Variants in PRIM2 observed in about 807,000 individuals in gnomAD.
PRIM2 encodes DNA primase large subunit.
A neutral mutation model predicts 67.3 loss-of-function variants in PRIM2; 39 were observed. The observed-to-expected ratio is 0.58, with a 90% CI of 0.45 to 0.76. The LOEUF is 0.76. PRIM2 is among the 30% of genes least tolerant of loss of function. PRIM2 has a pLI of 0.00. For missense variants in PRIM2, 398 were observed against 598.7 expected (o/e 0.66, Z 3.50); for synonymous variants, 143 against 198.7 (o/e 0.72, Z 2.36).
chr6:57,233,863 A>T, the PRIM2 span, among the ~76,000 whole-genome samples: 1 of 152,064 alleles, frequency 6.6e-6, no homozygotes, highest in African/African-American at 2.4e-5. Flanking sequence ...GGATCTCACA[A>T]TGTTGCCCAG....
chr6:57,245,690 C>A, the PRIM2 span, among the ~76,000 whole-genome samples: 1 of 152,174 alleles, frequency 6.6e-6, no homozygotes, highest in Non-Finnish European at 1.5e-5. Flanking sequence ...ACTTCCTCTT[C>A]TCTGGAAAGG....
At chr6:57,461,285 A>G (rs1772995017) in intron 7 of PRIM2, among the ~76,000 whole-genome samples, 1 of 152,172 alleles carries the variant, frequency 6.6e-6, no homozygotes, top group Non-Finnish European at 1.5e-5. Context: ...AGCTGTCAGA[A>G]AAGATTGTGC....
intron 7 of PRIM2, among the ~76,000 whole-genome samples, chr6:57,405,141 C>T (rs543917089): frequency 1.3e-5 from 2 of 151,906 alleles, no homozygotes; most frequent in African/African-American, 4.8e-5. Context: ...CAGCTGAATA[C>T]TGAAATAGTT....
At chr6:57,326,246 C>A (rs1767850653) in intron 5 of PRIM2, 4 of 488,162 alleles carry the variant, frequency 8.2e-6, no homozygotes, top group Admixed American at 4.1e-5. Flanking sequence ...AACAAAGTCT[C>A]ACACTTACTT....
At chr6:57,503,543 G>C (rs1774187213) in intron 7 of PRIM2, among the ~76,000 whole-genome samples, 1 of 152,178 alleles carries the variant, frequency 6.6e-6, no homozygotes. Context: ...GAGGTCAGAA[G>C]TTCGAGACCA....
At chr6:57,610,472 C>T (rs1776648022) in intron 12 of PRIM2, among the ~76,000 whole-genome samples, 1 of 152,008 alleles carries the variant, frequency 6.6e-6, no homozygotes, top group Non-Finnish European at 1.5e-5. Flanking sequence ...CTTACAGGAT[C>T]ACATTTCATT....
chr6:57,595,464 G>A (rs1181830261), intron 10 of PRIM2, among the ~76,000 whole-genome samples: 2,634 of 152,036 alleles, frequency 0.017, 84 homozygotes, highest in African/African-American at 0.06. Flanking sequence ...ACTAGAGCTC[G>A]TGCAGATCTC....
At chr6:57,517,638 A>G (rs1774514771) in intron 8 of PRIM2, among the ~76,000 whole-genome samples, 2 of 152,212 alleles carry the variant, frequency 1.3e-5, no homozygotes, top group African/African-American at 4.8e-5. Flanking sequence ...AAATAATTAC[A>G]TATTTTTAAA....
chr6:57,255,866 A>G, the PRIM2 span, among the ~76,000 whole-genome samples: 2 of 152,224 alleles, frequency 1.3e-5, no homozygotes, highest in Non-Finnish European at 2.9e-5. Context: ...CATTTCACTG[A>G]TAGCACCAAG....
At chr6:57,418,383 G>GTTTTTTTTTTTTTT (rs34491627) in intron 7 of PRIM2, among the ~76,000 whole-genome samples, 6 of 47,236 alleles carry the variant, frequency 1.3e-4, no homozygotes, top group Admixed American at 3.6e-4. Context: ...TATGTGTGTG[G>GTTTTTTTTTTTTTT]TTTTTTTTTT....
At chr6:57,339,086 G>T (rs1320833638) in intron 5 of PRIM2, among the ~76,000 whole-genome samples, 1 of 151,770 alleles carries the variant, frequency 6.6e-6, no homozygotes, top group African/African-American at 2.4e-5. Context: ...GCCAAATCAC[G>T]AGTGAACTCC....
At chr6:57,546,838 A>G (rs1775298307) in intron 10 of PRIM2, among the ~76,000 whole-genome samples, 3 of 152,230 alleles carry the variant, frequency 2.0e-5, no homozygotes. Flanking sequence ...TTTTCACAGC[A>G]TACCTTACTC....
intron 8 of PRIM2, among the ~76,000 whole-genome samples, chr6:57,521,672 A>G (rs1410461137): frequency 6.6e-6 from 1 of 152,124 alleles, no homozygotes; most frequent in Non-Finnish European, 1.5e-5. Context: ...TGCTTTCTTC[A>G]CTGCTTTTTT....
intron 12 of PRIM2, among the ~76,000 whole-genome samples, chr6:57,616,604 A>G (rs1382288421): frequency 6.6e-6 from 1 of 152,138 alleles, no homozygotes; most frequent in Non-Finnish European, 1.5e-5. Context: ...AGAAAATGTA[A>G]ATTATATATG....
At chr6:57,640,730 GAC>G (rs1369982216) in intron 13 of PRIM2, among the ~76,000 whole-genome samples, 1 of 152,090 alleles carries the variant, frequency 6.6e-6, no homozygotes, top group Non-Finnish European at 1.5e-5. Context: ...AATAAGAGAA[GAC>G]ACAAACAAAT....
chr6:57,307,147 C>A, the PRIM2 span, among the ~76,000 whole-genome samples: 1 of 151,454 alleles, frequency 6.6e-6, no homozygotes, highest in Non-Finnish European at 1.5e-5. Context: ...TGCAGTGAGC[C>A]GAGATCAAGA....
intron 10 of PRIM2, among the ~76,000 whole-genome samples, chr6:57,538,789 G>T (rs1363925069): frequency 4.7e-4 from 71 of 152,230 alleles, no homozygotes; most frequent in African/African-American, 1.7e-3. Flanking sequence ...CTTGCTTTGT[G>T]CTCACATGGC....
At chr6:57,573,749 A>G (rs1333993423) in intron 10 of PRIM2, among the ~76,000 whole-genome samples, 4 of 152,226 alleles carry the variant, frequency 2.6e-5, no homozygotes, top group Non-Finnish European at 4.4e-5. Flanking sequence ...GATATAGCAT[A>G]GGAAAACAAA....
At chr6:57,432,540 CT>C (rs2127380117) in intron 7 of PRIM2, among the ~76,000 whole-genome samples, 1 of 104,938 alleles carries the variant, frequency 9.5e-6, no homozygotes, top group Admixed American at 8.9e-5. Context: ...AGTGTTTGCA[CT>C]TTAAAAAAAG....
Sources: allele counts gnomAD v4.1 joint callset (sites outside exome capture counted in the v4.1 genomes callset), GRCh38; gene constraint gnomAD v4.1.1; transcripts MANE v1.5; gene names NCBI Gene and HGNC (gene_info 2026-07-23, HGNC 2026-07-21).